Variants in RIT2 observed in about 807,000 individuals in gnomAD.
RIT2 encodes the protein Ras like without CAAX 2.
RIT2 carries 24 observed loss-of-function variants against 23.7 expected under a neutral mutation model. That is an observed-to-expected ratio of 1.01 (90% confidence interval 0.73 to 1.43). The LOEUF (loss-of-function observed/expected upper bound fraction) is 1.43. Ranked by LOEUF, RIT2 falls within the 40% of genes most tolerant of loss-of-function variation. RIT2 has a pLI of 0.00. For synonymous variants in RIT2, 107 were observed against 91.1 expected (o/e 1.17, Z -0.99); for missense variants, 236 against 266.9 (o/e 0.88, Z 0.81).
intron 4 of RIT2, among the ~76,000 whole-genome samples, chr18:42,783,491 T>C (rs1308341608): frequency 1.3e-5 from 2 of 152,112 alleles, no homozygotes; most frequent in Admixed American, 1.3e-4. Flanking sequence ...ATTAGGTGGT[T>C]TTCAACTGAA....
chr18:43,075,284 C>T (rs1912988240), intron 1 of RIT2, among the ~76,000 whole-genome samples: 1 of 151,994 alleles, frequency 6.6e-6, no homozygotes, highest in African/African-American at 2.4e-5. Flanking sequence ...TAATAAAAAT[C>T]AGTTTTTTCA....
intron 4 of RIT2, among the ~76,000 whole-genome samples, chr18:42,849,707 T>C (rs1906999173): frequency 6.6e-6 from 1 of 152,224 alleles, no homozygotes; most frequent in Admixed American, 6.5e-5. Context: ...TAGTGAATCA[T>C]GGAACATTTA....
chr18:42,783,856 A>G (rs563028666), intron 4 of RIT2, among the ~76,000 whole-genome samples: 55 of 152,144 alleles, frequency 3.6e-4, no homozygotes, highest in African/African-American at 1.3e-3. Flanking sequence ...AAGCTGATGG[A>G]AGGTAAAATT....
intron 2 of RIT2, among the ~76,000 whole-genome samples, chr18:42,995,445 A>C (rs570741831): frequency 6.6e-6 from 1 of 152,296 alleles, no homozygotes; most frequent in South Asian, 2.1e-4. Context: ...AGACCACTGC[A>C]GTCATTTCTT....
chr18:43,083,515 C>G (rs1205317461), intron 1 of RIT2, among the ~76,000 whole-genome samples: 2 of 152,150 alleles, frequency 1.3e-5, no homozygotes, highest in Admixed American at 6.5e-5. Flanking sequence ...CAGCGTGGTG[C>G]TCGTACCAAA....
chr18:42,802,322 G>C (rs867823735), intron 4 of RIT2, among the ~76,000 whole-genome samples: 3 of 152,294 alleles, frequency 2.0e-5, no homozygotes, highest in African/African-American at 7.2e-5. Flanking sequence ...TGAACGAACA[G>C]TGATATGGTA....
At chr18:42,754,716 A>T (rs759810112) in intron 4 of RIT2, among the ~76,000 whole-genome samples, 3 of 152,240 alleles carry the variant, frequency 2.0e-5, no homozygotes, top group Non-Finnish European at 4.4e-5. Context: ...GTGCCACACA[A>T]TAAGCAAGCC....
At chr18:42,894,927 TAA>T (rs1908282710) in intron 4 of RIT2, among the ~76,000 whole-genome samples, 1 of 152,178 alleles carries the variant, frequency 6.6e-6, no homozygotes, top group Non-Finnish European at 1.5e-5. Flanking sequence ...CCCCTCCAGG[TAA>T]ATATGATGAA....
chr18:43,115,679 G>A lies in RIT2; in HGVS notation c.-160C>T. ...GGCTGCTGGTCCTCCGCTCGAGCGG[G>A]TCTCATAGCAACCACTTCAATTGCT... On this transcript the variant is annotated 5_prime_UTR_variant, in exon 1 of 5. Transcript: ENST00000326695. The A allele has an allele frequency of 9.9e-7, 1 of 1,005,530 alleles. No homozygotes were observed. The highest frequency in any genetic ancestry group is 3.7e-5 in the Admixed American group (1 of 27,156). The allele number at this position is 1,005,530 out of a possible 1,614,324, so 62.3% of individuals were successfully genotyped here. A position where few individuals can be genotyped will look rare whatever the true frequency, so the allele number is the denominator to read the frequency against.
At chr18:42,834,557 A>G (rs562773776) in intron 4 of RIT2, among the ~76,000 whole-genome samples, 49 of 152,222 alleles carry the variant, frequency 3.2e-4, no homozygotes, top group Middle Eastern at 3.4e-3. Flanking sequence ...AAACACACAC[A>G]CACATACACA....
intron 4 of RIT2, among the ~76,000 whole-genome samples, chr18:42,914,139 C>T (rs1299039501): frequency 6.6e-6 from 1 of 151,972 alleles, no homozygotes; most frequent in Non-Finnish European, 1.5e-5. Flanking sequence ...TCACTATATG[C>T]TGATCAAAAT....
intron 3 of RIT2, among the ~76,000 whole-genome samples, chr18:42,940,110 T>A (rs1909559247): frequency 6.6e-6 from 1 of 151,228 alleles, no homozygotes; most frequent in Non-Finnish European, 1.5e-5. Flanking sequence ...CATGCATTTG[T>A]TTATGCAGCT....
intron 1 of RIT2, among the ~76,000 whole-genome samples, chr18:43,057,713 T>C (rs1912538440): frequency 6.6e-6 from 1 of 151,836 alleles, no homozygotes; most frequent in Non-Finnish European, 1.5e-5. Flanking sequence ...TTTTCCATAT[T>C]CCACCCAGGA....
chr18:43,041,004 C>A (rs1236405650), intron 1 of RIT2, among the ~76,000 whole-genome samples: 1 of 151,952 alleles, frequency 6.6e-6, no homozygotes, highest in African/African-American at 2.4e-5. Context: ...GTAAAACCTA[C>A]ATGCTAGAAA....
intron 2 of RIT2, among the ~76,000 whole-genome samples, chr18:43,004,469 A>G (rs1243279483): frequency 6.6e-6 from 1 of 151,854 alleles, no homozygotes; most frequent in African/African-American, 2.4e-5. Flanking sequence ...GTAATTTTCA[A>G]AAGCTTTTTT....
chr18:42,997,347 G>T (rs551296439), intron 2 of RIT2, among the ~76,000 whole-genome samples: 2 of 151,800 alleles, frequency 1.3e-5, no homozygotes, highest in African/African-American at 2.4e-5. Flanking sequence ...ACTGCATTTG[G>T]GGGGGAAGAA....
At chr18:42,834,418 C>T (rs1906543165) in intron 4 of RIT2, among the ~76,000 whole-genome samples, 1 of 152,000 alleles carries the variant, frequency 6.6e-6, no homozygotes, top group Non-Finnish European at 1.5e-5. Context: ...TGTCTTATTT[C>T]CAAAATGATG....
At chr18:43,050,386 A>G (rs1027587544) in intron 1 of RIT2, among the ~76,000 whole-genome samples, 3 of 152,094 alleles carry the variant, frequency 2.0e-5, no homozygotes, top group African/African-American at 7.2e-5. Context: ...AGATATAAAT[A>G]GACATTTCTG....
intron 4 of RIT2, among the ~76,000 whole-genome samples, chr18:42,817,688 A>T (rs1170010279): frequency 6.6e-6 from 1 of 152,100 alleles, no homozygotes; most frequent in East Asian, 1.9e-4. Context: ...AGGGCCAATT[A>T]AATTTGGGCT....
Sources: allele counts gnomAD v4.1 joint callset (sites outside exome capture counted in the v4.1 genomes callset), GRCh38; gene constraint gnomAD v4.1.1; transcripts MANE v1.5; gene names NCBI Gene and HGNC (gene_info 2026-07-23, HGNC 2026-07-21).